Variants in SPATA6L observed in about 807,000 individuals in gnomAD.
The protein encoded by SPATA6L is spermatogenesis associated 6-like protein.
Under a neutral mutation model 49.2 loss-of-function variants are expected in SPATA6L, and 68 were observed. That is an observed-to-expected ratio of 1.38 (90% confidence interval 1.14 to 1.69). The LOEUF (loss-of-function observed/expected upper bound fraction) is 1.69. SPATA6L is among the 40% of genes most tolerant of loss of function. The pLI, the probability that SPATA6L is intolerant of heterozygous loss-of-function variation, is 0.00. For synonymous variants in SPATA6L, 198 were observed against 165.7 expected, an observed-to-expected ratio of 1.19 and a Z score of -1.50; for missense variants, 668 against 464.3, an observed-to-expected ratio of 1.44 and a Z score of -4.03.
At chr9:4,596,779 G>C (rs542759702), downstream of SPATA6L, among the ~76,000 whole-genome samples, 2 of 152,218 alleles carry the variant, frequency 1.3e-5, no homozygotes, top group East Asian at 3.9e-4. Flanking sequence ...TGATGCCTCA[G>C]GGCCAACCAG....
intron 3 of SPATA6L, among the ~76,000 whole-genome samples, chr9:4,645,716 T>G (rs1835231682): frequency 6.6e-6 from 1 of 152,084 alleles, no homozygotes; most frequent in South Asian, 2.1e-4. Flanking sequence ...CTGAAAACAT[T>G]AGGCTAAGTG....
intron 11 of SPATA6L, among the ~76,000 whole-genome samples, chr9:4,601,362 C>T (rs1346131268): frequency 2.9e-5 from 2 of 69,526 alleles, no homozygotes; most frequent in East Asian, 3.6e-4. Context: ...GGTTTCTTTA[C>T]GGGAGGTTTT....
intron 3 of SPATA6L, among the ~76,000 whole-genome samples, chr9:4,641,402 C>A (rs7035593): frequency 0.12 from 18,385 of 152,030 alleles, 1,558 homozygotes; most frequent in African/African-American, 0.23. Context: ...AATAATAAAA[C>A]ATTAAAAATA....
At chr9:4,659,459 C>A (rs1380348702) in intron 2 of SPATA6L, among the ~76,000 whole-genome samples, 2 of 151,234 alleles carry the variant, frequency 1.3e-5, no homozygotes, top group African/African-American at 2.4e-5. Flanking sequence ...TCTAGGAATA[C>A]AACTTACAAG....
chr9:4,590,360 A>G (rs1821827976), intron 13 of SPATA6L, among the ~76,000 whole-genome samples: 1 of 152,170 alleles, frequency 6.6e-6, no homozygotes, highest in Non-Finnish European at 1.5e-5. Context: ...ACTCCTAAGC[A>G]AGCAGTGAGA....
chr9:4,662,339 G>C lies in SPATA6L; in HGVS notation c.40-303C>G, dbSNP rs914904930. On this transcript the variant is annotated intron_variant, in intron 1 of 11. Transcript: ENST00000682582. This position sits in a 1 kb window ranked among gnomAD's most constrained non-coding sequence, Gnocchi z 4.9. The stretch of plus-strand genomic sequence containing the variant: ...TGCAGGGCCGGGAAGCCTCTGTTTG[G>C]TCCGGCCAGGTCCCGGGATCCGGGC... The C allele has an allele frequency of 9.5e-6, 14 of 1,467,770 alleles. No homozygotes were observed. The highest frequency in any genetic ancestry group is 1.3e-5 in the Non-Finnish European group (14 of 1,117,044). The allele number at this position is 1,467,770 out of a possible 1,614,324, so 90.9% of individuals were successfully genotyped here.
chr9:4,662,578 G>C lies in SPATA6L; in HGVS notation c.40-542C>G. The stretch of plus-strand genomic sequence containing the variant: ...GCATCGGAGAGCCCAGTTCACCGCC[G>C]CGGCTCCTTCCCCCTGGCCGCGGCG... On this transcript the variant is annotated intron_variant, in intron 1 of 11. Transcript: ENST00000682582. This position sits in a 1 kb window ranked among gnomAD's most constrained non-coding sequence, Gnocchi z 4.9. The C allele has an allele frequency of 6.3e-7, 1 of 1,589,682 alleles. No homozygotes were observed. The highest frequency in any genetic ancestry group is 8.5e-7 in the Non-Finnish European group (1 of 1,176,050).
At chr9:4,661,237 A>C (rs559240371) in intron 2 of SPATA6L, among the ~76,000 whole-genome samples, 43 of 152,322 alleles carry the variant, frequency 2.8e-4, no homozygotes, top group Admixed American at 2.5e-3. Flanking sequence ...AGACTTATTA[A>C]GGTTAAAATT....
chr9:4,617,741 G>A (rs1197146630), intron 9 of SPATA6L, among the ~76,000 whole-genome samples, 182 bp downstream of exon 9: 1 of 152,156 alleles, frequency 6.6e-6, no homozygotes, highest in African/African-American at 2.4e-5. Context: ...CCCATTTACA[G>A]CAAATATTCT....
chr9:4,634,584 C>A (rs1193389249), intron 4 of SPATA6L, among the ~76,000 whole-genome samples: 2 of 152,054 alleles, frequency 1.3e-5, no homozygotes, highest in Non-Finnish European at 2.9e-5. Flanking sequence ...ATTCATGGGG[C>A]AATACGAGAA....
chr9:4,653,765 C>CAAAAA (rs1837459331), intron 3 of SPATA6L, among the ~76,000 whole-genome samples: 1 of 151,942 alleles, frequency 6.6e-6, no homozygotes, highest in African/African-American at 2.4e-5. Flanking sequence ...CCTGTCTCTA[C>CAAAAA]AAAACAAAAA....
rs532363583 is a variant in SPATA6L, at chr9:4,625,575, A to C, written c.430-9T>G. 1 of 1,491,432 alleles carries C rather than the reference A, an allele frequency of 6.7e-7. No individual in the cohort carries two copies. The highest frequency in any genetic ancestry group is 1.4e-5 in the African/African-American group (1 of 70,516). 92.4% of individuals were successfully genotyped at this position (1,491,432 alleles called of 1,614,324 possible). A position where few individuals can be genotyped will look rare whatever the true frequency, so the allele number is the denominator to read the frequency against. On this transcript the variant is annotated splice_polypyrimidine_tract_variant and intron_variant, in intron 5 of 11. Transcript: ENST00000682582. ...GACTCATGTCTTTCTTCCTGAAATA[A>C]ACAAAAAAAGAATATTTTTTAAAAT...
intron 3 of SPATA6L, among the ~76,000 whole-genome samples, chr9:4,638,215 T>G (rs1564250242): frequency 6.6e-6 from 1 of 152,058 alleles, no homozygotes; most frequent in African/African-American, 2.4e-5. Flanking sequence ...TTATTATTAT[T>G]ATTATTATTT....
chr9:4,656,968 AAGAG>A (rs1200754180), intron 2 of SPATA6L, among the ~76,000 whole-genome samples: 1 of 132,274 alleles, frequency 7.6e-6, no homozygotes. Flanking sequence ...TAAGGAAAGA[AAGAG>A]AGAAGAGTCT....
chr9:4,609,844 A>T (rs202217111), intron 9 of SPATA6L, among the ~76,000 whole-genome samples: 3 of 151,962 alleles, frequency 2.0e-5, no homozygotes, highest in African/African-American at 7.3e-5. Flanking sequence ...TGGGAAAAGA[A>T]GAAGTCAAAT....
At chr9:4,654,751 T>C (rs561982795) in intron 3 of SPATA6L, among the ~76,000 whole-genome samples, 2 of 152,274 alleles carry the variant, frequency 1.3e-5, no homozygotes, top group Admixed American at 1.3e-4. Flanking sequence ...CCAGTGCCAA[T>C]GTACTCCTCT....
chr9:4,629,911 C>T (rs186835594), intron 4 of SPATA6L, among the ~76,000 whole-genome samples: 4 of 151,306 alleles, frequency 2.6e-5, no homozygotes, highest in Admixed American at 2.0e-4. Flanking sequence ...ACAATCCAAA[C>T]ATCCTTAATG....
rs1163242422 is a variant in SPATA6L at position 4,622,438 on chromosome 9, A to C, written c.742T>G (p.Phe248Val). ...HLRRSRRKSKFSDFPFPTRRA... is the reference protein window; with the variant it reads ...HLRRSRRKSKVSDFPFPTRRA... The stretch of plus-strand genomic sequence containing the variant: ...CTCGTTGGAAACGGAAAGTCTGAAA[A>C]CTTAGATTTTCTTCTAGACCTCCTC... Residue 248 changes from phenylalanine to valine, a missense_variant, in exon 7 of 12, where the codon TTT becomes GTT. By Grantham distance (50) the Phe-to-Val change is conservative. Coordinates refer to ENST00000682582, the MANE Select transcript of SPATA6L (RefSeq NM_001353486.2). 6.2e-7 allele frequency: 1 copy of C among 1,613,712 alleles called. No individual in the cohort carries two copies. Among genetic ancestry groups the C allele is most frequent in the Non-Finnish European group, 8.5e-7 (1 of 1,179,786 alleles).
intron 3 of SPATA6L, among the ~76,000 whole-genome samples, chr9:4,636,197 G>T (rs1832775868): frequency 6.6e-6 from 1 of 151,706 alleles, no homozygotes; most frequent in African/African-American, 2.4e-5. Context: ...GTTTTGTTTG[G>T]ATCTTTAACC....
Sources: gnomAD v4.1 joint callset for allele counts (sites outside exome capture counted in the v4.1 genomes callset) on GRCh38, gnomAD v4.1.1 for gene constraint, Gnocchi (gnomAD v3.1) non-coding constraint, MANE v1.5 for transcripts, NCBI Gene and HGNC (gene_info 2026-07-23, HGNC 2026-07-21) for gene names.